The following MCOLN1 variants were observed in gnomAD, a reference collection of about 807,000 sequenced individuals.
MCOLN1 encodes the protein mucolipin-1.
MCOLN1 carries 50 observed loss-of-function variants against 70.3 expected under a neutral mutation model. That is an observed-to-expected ratio of 0.71 (90% CI 0.57 to 0.90). The LOEUF (loss-of-function observed/expected upper bound fraction) is 0.90. Ranked by LOEUF, MCOLN1 falls within the 40% of genes least tolerant of loss-of-function variation. The pLI is 0.00. For missense variants in MCOLN1, 598 were observed against 803.5 expected (o/e 0.74, Z 3.09); for synonymous variants, 366 against 341.0 (o/e 1.07, Z -0.81).
chr19:7,523,870 T>A (rs1249787070), intron 1 of MCOLN1, among the ~76,000 whole-genome samples: 5 of 151,232 alleles, frequency 3.3e-5, no homozygotes, highest in Admixed American at 2.6e-4. Context: ...TTTTTTTTAA[T>A]AAACTTTTTT....
chr19:7,532,477 G>C (rs3760674), intron 12 of MCOLN1, among the ~76,000 whole-genome samples: 1 of 152,028 alleles, frequency 6.6e-6, no homozygotes, highest in Non-Finnish European at 1.5e-5. Context: ...GGAGGCCGAG[G>C]GGGGGTGGGG....
chr19:7,529,144 C>T lies in MCOLN1; in HGVS notation c.1178C>T (p.Ser393Leu), dbSNP rs1438946093. 1.2e-6 allele frequency: 2 copies of T among 1,613,924 alleles called. No homozygotes were observed. Among genetic ancestry groups the T allele is most frequent in the Admixed American group, 1.7e-5 (1 of 60,022 alleles). ...GTCTGCAGCATCCTCCTGGGCACCT[C>T]GACGCTGCTGGTGTGGGTGGGCGTG... is the stretch of plus-strand genomic sequence containing the variant. ...YDVCSILLGT[S>L]TLLVWVGVIR... is the part of the protein sequence containing the mutation. The change falls in exon 10 of 14, where the codon TCG becomes TTG. Residue 393 changes from serine (S) to leucine (L), a missense_variant. Physicochemically the swap from Ser to Leu is moderately radical, Grantham distance 145 (BLOSUM62 -2). Coordinates refer to ENST00000264079, the MANE Select transcript of MCOLN1 (RefSeq NM_020533.3).
chr19:7,527,888 C>G lies in MCOLN1; in HGVS notation c.705C>G (p.Phe235Leu). ...GGCTGGTCAATGTCACCATCCACTT[C>G]CGGCTGAAGACCATTAACCTCCAGA... ...FHKLVNVTIH[F>L]RLKTINLQSL... is the part of the protein sequence containing the mutation. Residue 235 changes from phenylalanine (F) to leucine (L), a missense_variant, in exon 6 of 14, where the codon TTC becomes TTG. Around this residue, in one of 3 missense-constraint regions of MCOLN1, gnomAD observed 461 missense variants for 588.4 expected, o/e 0.78. Transcript: ENST00000264079. 1.9e-6 allele frequency: 3 copies of G among 1,614,148 alleles called. No individual in the cohort carries two copies. The highest frequency in any genetic ancestry group is 2.5e-6 in the Non-Finnish European group (3 of 1,179,986).
rs146268895 is a variant in MCOLN1 at position 7,526,154 on chromosome 19, G to A, written c.238-285G>A. The A allele has an allele frequency of 2.7e-4, 141 of 518,290 alleles. No individual in the cohort carries two copies. In the East Asian group the frequency reaches 4.2e-3, roughly 15 times the overall value. 32.1% of individuals were successfully genotyped at this position (518,290 alleles called of 1,614,324 possible). On this transcript the variant is annotated intron_variant, in intron 2 of 13. Coordinates refer to ENST00000264079, the MANE Select transcript of MCOLN1 (RefSeq NM_020533.3). The surrounding 1 kb of genome is among the most constrained non-coding windows in gnomAD (Gnocchi z 4.6). ...GACATCCAGTAAACATTTAATGAAC[G>A]TTAGTCCCTGCAGTGAGATAGATGA...
chr19:7,528,887 G>C lies in MCOLN1; in HGVS notation c.1051G>C (p.Val351Leu). 1 of 1,614,198 alleles carries C rather than the reference G, an allele frequency of 6.2e-7. No individual in the cohort carries two copies. Among genetic ancestry groups the C allele is most frequent in the South Asian group, 1.1e-5 (1 of 91,090 alleles). The change falls in exon 9 of 14, where the codon GTC becomes CTC. Residue 351 changes from valine (V) to leucine (L), a missense_variant. Transcript: ENST00000264079. This position sits in a 1 kb window ranked among gnomAD's most constrained non-coding sequence, Gnocchi z 4.2. ...VISLWERLEF[V>L]NGWYILLVTS... ...CAGCCTGTGGGAGCGGCTGGAATTTGTCAATGGCTGGTACATCCTGCTCGT... is the reference window on the plus strand; with the variant it reads ...CAGCCTGTGGGAGCGGCTGGAATTTCTCAATGGCTGGTACATCCTGCTCGT...
At chr19:7,531,314 C>T (rs1254937665) in intron 12 of MCOLN1, among the ~76,000 whole-genome samples, 1 of 151,266 alleles carries the variant, frequency 6.6e-6, no homozygotes, top group Non-Finnish European at 1.5e-5. Flanking sequence ...GATCCTTGTG[C>T]CTCAGCCTCC....
rs2022565939 is a variant in MCOLN1, at chr19:7,526,256, A to G, written c.238-183A>G. On this transcript the variant is annotated intron_variant, in intron 2 of 13. Coordinates refer to ENST00000264079, the MANE Select transcript of MCOLN1 (RefSeq NM_020533.3). This position sits in a 1 kb window ranked among gnomAD's most constrained non-coding sequence, Gnocchi z 4.6. ...AGCTTATGCCAGGAGGTGGGGTGAA[A>G]TTAATCAAAGCAAAGAAATGCACAA... The G allele has an allele frequency of 2.7e-6, 2 of 730,106 alleles. No homozygotes were observed. Among genetic ancestry groups the G allele is most frequent in the African/African-American group, 3.5e-5 (2 of 57,662 alleles). 45.2% of individuals were successfully genotyped at this position (730,106 alleles called of 1,614,324 possible).
chr19:7,528,769 G>A lies in MCOLN1; in HGVS notation c.985-52G>A. ...TGGCCCTGGGGCGATAAAAGCCAGG[G>A]CTTTGAGGGTCCTGTGCCTGGTCAG... is the stretch of plus-strand genomic sequence containing the variant. On this transcript the variant is annotated intron_variant, in intron 8 of 13. Coordinates refer to ENST00000264079, the MANE Select transcript of MCOLN1 (RefSeq NM_020533.3). The surrounding 1 kb of genome is among the most constrained non-coding windows in gnomAD (Gnocchi z 4.2). 5.0e-6 allele frequency: 8 copies of A among 1,614,130 alleles called. No individual in the cohort carries two copies. The South Asian group carries it at 8.8e-5, about 18-fold the overall frequency.
intron 1 of MCOLN1, among the ~76,000 whole-genome samples, chr19:7,523,286 TC>T (rs1456024616): frequency 6.6e-5 from 10 of 152,358 alleles, no homozygotes; most frequent in Admixed American, 5.9e-4. Context: ...CTTCTTAAAT[TC>T]GGGCTTCTAG....
Position 7,522,710 on chromosome 19 carries a change from G to C in MCOLN1, c.-41G>C, listed in dbSNP as rs1249401691. ...AGCGGCGGGCGATCGGACCCAGGCT[G>C]CCCCGCCGTACCCGCCTGCGTCCCG... On this transcript the variant is annotated 5_prime_UTR_variant, in exon 1 of 14. Transcript: ENST00000264079. 2 of 1,433,532 alleles carry C rather than the reference G, an allele frequency of 1.4e-6. No individual in the cohort carries two copies. Among genetic ancestry groups the C allele is most frequent in the Non-Finnish European group, 1.8e-6 (2 of 1,097,694 alleles). The allele number at this position is 1,433,532 out of a possible 1,614,324, so 88.8% of individuals were successfully genotyped here.
intron 1 of MCOLN1, among the ~76,000 whole-genome samples, chr19:7,523,978 A>T (rs1004292188): frequency 5.3e-5 from 8 of 151,724 alleles, no homozygotes; most frequent in African/African-American, 1.9e-4. Context: ...TCCCGGGTAG[A>T]TGGGGTCCCA....
At position 7,533,812 on chromosome 19, in the gene MCOLN1, T is replaced by A; in HGVS notation, c.*17T>A. On this transcript the variant is annotated 3_prime_UTR_variant, in exon 14 of 14. Coordinates refer to ENST00000264079, the MANE Select transcript of MCOLN1 (RefSeq NM_020533.3). ...GTGAATTGATTCGACCTGACTGCCGTTGGACCGTAGGCCCTGGACTGCAGA... is the reference window on the plus strand; with the variant it reads ...GTGAATTGATTCGACCTGACTGCCGATGGACCGTAGGCCCTGGACTGCAGA... 1 of 1,614,142 alleles carries A rather than the reference T, an allele frequency of 6.2e-7. No individual in the cohort carries two copies.
Position 7,527,967 on chromosome 19 carries a change from C to G in MCOLN1, c.777+7C>G. The G allele has an allele frequency of 6.2e-7, 1 of 1,609,612 alleles. No individual in the cohort carries two copies. Among genetic ancestry groups the G allele is most frequent in the Non-Finnish European group, 8.5e-7 (1 of 1,175,994 alleles). ...CTATACCTTCAGCGTCCTGGTGAGGCCCCCCGGGAACCCACAGGGCTCCTG... is the reference window on the plus strand; with the variant it reads ...CTATACCTTCAGCGTCCTGGTGAGGGCCCCCGGGAACCCACAGGGCTCCTG... On this transcript the variant is annotated splice_region_variant and intron_variant, in intron 6 of 13. Coordinates refer to ENST00000264079, the MANE Select transcript of MCOLN1 (RefSeq NM_020533.3).
At position 7,530,273 on chromosome 19, in the gene MCOLN1, G is replaced by T. The variant is rs2305888; in HGVS notation, c.1360-13G>T. 2 of 1,609,890 alleles carry T rather than the reference G, an allele frequency of 1.2e-6. No homozygotes were observed. The highest frequency in any genetic ancestry group is 8.5e-7 in the Non-Finnish European group (1 of 1,178,716). On this transcript the variant is annotated splice_polypyrimidine_tract_variant and intron_variant, in intron 11 of 13. Coordinates refer to ENST00000264079, the MANE Select transcript of MCOLN1 (RefSeq NM_020533.3). ...TGCCTTGGCTCCCTCTGACCCCGCC[G>T]CCCCTCTGGCAGTTCCGCTCACTCT...
chr19:7,533,501 G>A, intron 12 of MCOLN1, 22 bp from the exon 13 acceptor site: 3 of 1,610,174 alleles, frequency 1.9e-6, no homozygotes, highest in Non-Finnish European at 2.5e-6. Context: ...TTCAGGCTGA[G>A]CCTCCCGGCT....
At chr19:7,529,331 A>T in intron 10 of MCOLN1, 129 bp downstream of exon 10, 1 of 946,286 alleles carries the variant, frequency 1.1e-6, no homozygotes, top group South Asian at 1.4e-5. Context: ...CTACCTGCCC[A>T]CACCAGATAT....
intron 4 of MCOLN1, 82 bp downstream of exon 4, chr19:7,527,008 C>T (rs1599253731): frequency 1.9e-6 from 3 of 1,561,816 alleles, no homozygotes; most frequent in Non-Finnish European, 1.8e-6. Flanking sequence ...GGCACGGTGG[C>T]TCACGCCTAT....
chr19:7,525,482 G>T lies in MCOLN1; in HGVS notation c.237+316G>T. 1 of 310,556 alleles carries T rather than the reference G, an allele frequency of 3.2e-6. No individual in the cohort carries two copies. Among genetic ancestry groups the T allele is most frequent in the Non-Finnish European group, 6.1e-6 (1 of 163,998 alleles). 19.2% of individuals were successfully genotyped at this position (310,556 alleles called of 1,614,324 possible). On this transcript the variant is annotated intron_variant, in intron 2 of 13. Transcript: ENST00000264079. This position sits in a 1 kb window ranked among gnomAD's most constrained non-coding sequence, Gnocchi z 4.2. The stretch of plus-strand genomic sequence containing the variant: ...CACTCCAGCCTGGGCAACAGAGCAA[G>T]ACTGTCTCAAAAAAAAAAAGAAGCC...
Position 7,529,119 on chromosome 19 carries a change from G to T in MCOLN1, c.1153G>T (p.Val385Phe). ...CCCGCAGAACTTGGCGAGCTACGACGTCTGCAGCATCCTCCTGGGCACCTC... is the reference window on the plus strand; with the variant it reads ...CCCGCAGAACTTGGCGAGCTACGACTTCTGCAGCATCCTCCTGGGCACCTC... ...IEAKNLASYD[V>F]CSILLGTSTL... Residue 385 changes from valine (V) to phenylalanine (F), a missense_variant, in exon 10 of 14, where the codon GTC becomes TTC. Coordinates refer to ENST00000264079, the MANE Select transcript of MCOLN1 (RefSeq NM_020533.3). 6.2e-7 allele frequency: 1 copy of T among 1,613,922 alleles called. No individual in the cohort carries two copies. The highest frequency in any genetic ancestry group is 8.5e-7 in the Non-Finnish European group (1 of 1,180,008).
Sources: allele counts gnomAD v4.1 joint callset (sites outside exome capture counted in the v4.1 genomes callset), GRCh38; gene constraint gnomAD v4.1.1; regional missense constraint gnomAD v4.1.1; non-coding constraint Gnocchi (gnomAD v3.1); transcripts MANE v1.5; gene names NCBI Gene and HGNC (gene_info 2026-07-23, HGNC 2026-07-21).